Variants in DPY19L1 observed in about 807,000 individuals in gnomAD.
DPY19L1 encodes the protein dpy-19 like C-mannosyltransferase 1, also known as protein C-mannosyl-transferase DPY19L1.
A neutral mutation model predicts 96.9 loss-of-function variants in DPY19L1; 35 were observed. That is an observed-to-expected ratio of 0.36 (90% CI 0.28 to 0.48). DPY19L1 has a LOEUF of 0.48. DPY19L1 is among the 20% of genes least tolerant of loss of function. The pLI is 0.99. For synonymous variants in DPY19L1, 205 were observed against 252.6 expected (o/e 0.81, Z 1.79); for missense variants, 521 against 777.9 (o/e 0.67, Z 3.93).
chr7:34,955,701 A>C (rs1340110066), intron 11 of DPY19L1, among the ~76,000 whole-genome samples: 5 of 152,198 alleles, frequency 3.3e-5, no homozygotes, highest in Non-Finnish European at 7.4e-5. Flanking sequence ...TCATACAGGC[A>C]TAAGATTTTC....
At chr7:35,000,012 C>T (rs1164524858) in intron 6 of DPY19L1, among the ~76,000 whole-genome samples, 2 of 152,078 alleles carry the variant, frequency 1.3e-5, no homozygotes, top group Non-Finnish European at 2.9e-5. Flanking sequence ...CACTGACGTA[C>T]TTGATTATAA....
chr7:35,028,548 C>T (rs1435490050), intron 1 of DPY19L1, among the ~76,000 whole-genome samples: 2 of 152,180 alleles, frequency 1.3e-5, no homozygotes, highest in South Asian at 2.1e-4. Flanking sequence ...GTCTTATCCT[C>T]ACATAATATG....
intron 7 of DPY19L1, among the ~76,000 whole-genome samples, chr7:34,977,059 G>T (rs913883510): frequency 1.3e-5 from 2 of 152,160 alleles, no homozygotes; most frequent in Admixed American, 6.6e-5. Context: ...AAAGTGCTGG[G>T]ATTAGCCACT....
chr7:35,037,793 C>G (rs1279096880), upstream of DPY19L1: 45 of 1,210,652 alleles, frequency 3.7e-5, no homozygotes, highest in African/African-American at 6.3e-5. Flanking sequence ...GGGGCCCGAC[C>G]CCTCTGGCGC....
chr7:35,031,233 C>T (rs575963950), intron 1 of DPY19L1, among the ~76,000 whole-genome samples: 17 of 152,176 alleles, frequency 1.1e-4, no homozygotes, highest in Non-Finnish European at 2.2e-4. Flanking sequence ...GAAAAAAAAT[C>T]CATCTGTACT....
rs1215663769 is a variant in DPY19L1 at position 34,945,703 on chromosome 7, A to G, written c.1508T>C (p.Met503Thr). The G allele has an allele frequency of 6.2e-7, 1 of 1,601,266 alleles. No individual in the cohort carries two copies. Among genetic ancestry groups the G allele is most frequent in the Non-Finnish European group, 8.5e-7 (1 of 1,173,384 alleles). Residue 503 changes from methionine to threonine, a missense_variant, in exon 16 of 22, where the codon ATG (methionine) becomes ACG (threonine). Physicochemically the swap from Met to Thr is moderately conservative, Grantham distance 81. Transcript: ENST00000638088. The stretch of plus-strand genomic sequence containing the variant: ...CTGTTGTTTAGCTAAGACACCCCAC[A>G]TATCACTAATAATCTGTAAATAGAT... ...VAIVRKIISD[M>T]WGVLAKQQTH...
chr7:34,982,951 T>A (rs559015482), intron 7 of DPY19L1, among the ~76,000 whole-genome samples: 95 of 152,276 alleles, frequency 6.2e-4, no homozygotes, highest in African/African-American at 2.1e-3. Context: ...CTTCCCAGTT[T>A]AAAGAATGGT....
intron 1 of DPY19L1, among the ~76,000 whole-genome samples, chr7:35,022,798 C>CA (rs775999593): frequency 1.3e-5 from 2 of 152,156 alleles, no homozygotes; most frequent in Non-Finnish European, 1.5e-5. Flanking sequence ...ACACATCATC[C>CA]TTTTTCACCA....
intron 13 of DPY19L1, 98 bp downstream of exon 13, chr7:34,954,600 A>G: frequency 1.5e-6 from 1 of 652,438 alleles, no homozygotes; most frequent in Admixed American, 3.3e-5. Context: ...ACTTCATCCT[A>G]GAATTTCATT....
intron 21 of DPY19L1, among the ~76,000 whole-genome samples, 188 bp from the exon 22 acceptor site, chr7:34,931,917 A>G (rs1185137433): frequency 2.0e-5 from 3 of 152,224 alleles, no homozygotes; most frequent in Non-Finnish European, 4.4e-5. Flanking sequence ...GACAAGGTCA[A>G]TGCAGCAAAG....
At chr7:34,975,797 AT>A (rs1784818589) in intron 7 of DPY19L1, among the ~76,000 whole-genome samples, 2 of 152,136 alleles carry the variant, frequency 1.3e-5, no homozygotes, top group Non-Finnish European at 2.9e-5. Flanking sequence ...ATTACACTAA[AT>A]ATACTCTGCA....
In DPY19L1 at chr7:34,955,310, A is replaced by G. The variant is rs1784355006; in HGVS notation, c.1237T>C (p.Trp413Arg). The G allele has an allele frequency of 3.7e-6, 6 of 1,600,172 alleles. No homozygotes were observed. In the Admixed American group the frequency reaches 5.1e-5, roughly 14 times the overall value. The change falls in exon 12 of 22, where the codon TGG becomes CGG. Residue 413 changes from tryptophan to arginine, a missense_variant and splice_region_variant. By Grantham distance (101) the Trp-to-Arg change is moderately radical. Transcript: ENST00000638088. ...LKINVSELSLWVIQGCFWLFG... is the reference protein window; with the variant it reads ...LKINVSELSLRVIQGCFWLFG... ...CATTAAAATAGATTGATTCTCACCCATAAACTAAGTTCAGATACATTTATT... is the reference window on the plus strand; with the variant it reads ...CATTAAAATAGATTGATTCTCACCCGTAAACTAAGTTCAGATACATTTATT...
Position 34,939,294 on chromosome 7 carries a change from T to C in DPY19L1, c.1946A>G (p.Tyr649Cys). The C allele has an allele frequency of 1.2e-6, 2 of 1,613,654 alleles. No individual in the cohort carries two copies. The highest frequency in any genetic ancestry group is 1.7e-6 in the Non-Finnish European group (2 of 1,179,922). ...ALRPIVNHPH[Y>C]EDAGLRARTK... ...CACTGACCTCAAGCCTGCGTCTTCA[T>C]AATGTGGATGATTCACAATGGGCCG... The change falls in exon 20 of 22, where the codon TAT (tyrosine) becomes TGT (cysteine). Residue 649 changes from tyrosine to cysteine, a missense_variant. Coordinates refer to ENST00000638088, the MANE Select transcript of DPY19L1 (RefSeq NM_001366673.1).
At chr7:35,036,871 G>A (rs1786415778) in intron 1 of DPY19L1, among the ~76,000 whole-genome samples, 1 of 151,852 alleles carries the variant, frequency 6.6e-6, no homozygotes, top group Non-Finnish European at 1.5e-5. Flanking sequence ...GCAGAGCGCG[G>A]GTGGGAAGCG....
At chr7:34,977,558 T>C (rs1017334251) in intron 7 of DPY19L1, among the ~76,000 whole-genome samples, 1 of 152,226 alleles carries the variant, frequency 6.6e-6, no homozygotes, top group Non-Finnish European at 1.5e-5. Flanking sequence ...ATGAAAGTGC[T>C]TTCTATTGTT....
intron 7 of DPY19L1, 44 bp downstream of exon 7, chr7:34,989,840 T>C (rs551384544): frequency 6.7e-7 from 1 of 1,488,960 alleles, no homozygotes; most frequent in East Asian, 2.3e-5. Context: ...AGAAGAAAAC[T>C]GCATTTCCAG....
intron 6 of DPY19L1, among the ~76,000 whole-genome samples, chr7:34,992,018 G>A (rs2023328): frequency 0.2 from 29,834 of 152,016 alleles, 3,306 homozygotes; most frequent in Admixed American, 0.35. Context: ...ATGCTGGCAC[G>A]TTTGTTTCGG....
At chr7:34,962,237 TAATGTTAATAA>T (rs1784515530) in intron 10 of DPY19L1, among the ~76,000 whole-genome samples, 2 of 152,196 alleles carry the variant, frequency 1.3e-5, no homozygotes, top group Admixed American at 1.3e-4. Flanking sequence ...TACATCCATA[TAATGTTAATAA>T]AATGTTAATA....
intron 15 of DPY19L1, among the ~76,000 whole-genome samples, chr7:34,946,528 A>G (rs1227376641): frequency 3.3e-5 from 5 of 152,232 alleles, no homozygotes; most frequent in Admixed American, 3.3e-4. Context: ...TGTCTTTTGC[A>G]TATGTTCTGG....
Sources: allele counts gnomAD v4.1 joint callset (sites outside exome capture counted in the v4.1 genomes callset), GRCh38; gene constraint gnomAD v4.1.1; transcripts MANE v1.5; gene names NCBI Gene and HGNC (gene_info 2026-07-23, HGNC 2026-07-21).